The following HCN1 variants were observed in gnomAD, a reference collection of about 807,000 sequenced individuals.
The protein encoded by HCN1 is hyperpolarization activated cyclic nucleotide gated potassium channel 1, also known as potassium/sodium hyperpolarization-activated cyclic nucleotide-gated channel 1.
Under a neutral mutation model 78.9 loss-of-function variants are expected in HCN1, and 13 were observed. The ratio of observed to expected loss-of-function variants is 0.16; its 90% confidence interval spans 0.11 to 0.26. The LOEUF (loss-of-function observed/expected upper bound fraction) is 0.26. HCN1 is among the 10% of genes least tolerant of loss of function. HCN1 has a pLI of 1.00. For missense variants in HCN1, 810 were observed against 1,154.3 expected (o/e 0.70, Z 4.32); for synonymous variants, 552 against 455.5 (o/e 1.21, Z -2.70).
Position 45,587,075 on chromosome 5 carries a change from C to A in HCN1, c.849+58110G>T, listed in dbSNP as rs181982906. The stretch of plus-strand genomic sequence containing the variant: ...CAGGTGCTGGAGAGGATGTGGAGAA[C>A]AAGGAACACTTTTACACTGTTGGTG... On this transcript the variant is annotated intron_variant, in intron 2 of 7. Transcript: ENST00000303230. Among the ~76,000 whole-genome samples, 27 of 152,184 alleles carry A rather than the reference C, an allele frequency of 1.8e-4. No individual in the cohort carries two copies. In the East Asian group the frequency reaches 4.5e-3, roughly 25 times the overall value.
intron 6 of HCN1, among the ~76,000 whole-genome samples, chr5:45,297,688 C>T (rs1448185240): frequency 1.3e-5 from 2 of 152,000 alleles, no homozygotes; most frequent in Non-Finnish European, 2.9e-5. Context: ...TAATATATCT[C>T]ATAAAGATAG....
At chr5:45,424,553 G>A (rs1157085797) in intron 3 of HCN1, among the ~76,000 whole-genome samples, 6 of 151,994 alleles carry the variant, frequency 3.9e-5, no homozygotes, top group Admixed American at 2.6e-4. Flanking sequence ...TCCAAAATCT[G>A]GGGAAACAGT....
intron 2 of HCN1, among the ~76,000 whole-genome samples, chr5:45,500,579 T>A (rs1348764163): frequency 6.6e-6 from 1 of 152,200 alleles, no homozygotes; most frequent in African/African-American, 2.4e-5. Flanking sequence ...CAACTTGTTA[T>A]TTTACAATAT....
At chr5:45,293,101 G>C (rs1745412519) in intron 6 of HCN1, among the ~76,000 whole-genome samples, 1 of 151,884 alleles carries the variant, frequency 6.6e-6, no homozygotes, top group African/African-American at 2.4e-5. Context: ...ACATTCCTTT[G>C]AGTATATACC....
At chr5:45,375,871 T>TATGATATA (rs1561131911) in intron 4 of HCN1, among the ~76,000 whole-genome samples, 2 of 121,164 alleles carry the variant, frequency 1.7e-5, no homozygotes, top group African/African-American at 3.3e-5. Context: ...ATATCTTATA[T>TATGATATA]ATATTTTATC....
At chr5:45,540,445 C>T (rs776172056) in intron 2 of HCN1, among the ~76,000 whole-genome samples, 3 of 151,798 alleles carry the variant, frequency 2.0e-5, no homozygotes, top group Non-Finnish European at 4.4e-5. Context: ...TCTCCCAGCT[C>T]AGCCTCCCAA....
At chr5:45,656,971 A>G (rs1745773627) in intron 1 of HCN1, among the ~76,000 whole-genome samples, 2 of 152,130 alleles carry the variant, frequency 1.3e-5, no homozygotes, top group Middle Eastern at 3.4e-3. Flanking sequence ...GTTATTTGAT[A>G]TTATACTGCA....
At chr5:45,290,018 T>C (rs180832132) in intron 6 of HCN1, among the ~76,000 whole-genome samples, 2 of 152,124 alleles carry the variant, frequency 1.3e-5, no homozygotes, top group Admixed American at 1.3e-4. Flanking sequence ...AATTCCCATG[T>C]CCTGTGGGAG....
At chr5:45,609,625 C>A (rs1323830968) in intron 2 of HCN1, among the ~76,000 whole-genome samples, 9 of 152,070 alleles carry the variant, frequency 5.9e-5, no homozygotes, top group Non-Finnish European at 5.9e-5. Context: ...TCTACCTTGA[C>A]TGGTGTGAAT....
chr5:45,348,392 G>A (rs1163718114), intron 5 of HCN1, among the ~76,000 whole-genome samples: 1 of 152,238 alleles, frequency 6.6e-6, no homozygotes, highest in Admixed American at 6.5e-5. Context: ...GGAACGACCG[G>A]TACCAGCCAC....
rs183715827 is a variant in HCN1, at chr5:45,603,353, T to A, written c.849+41832A>T. 4.3e-3 allele frequency among the ~76,000 whole-genome samples: 658 copies of A among 152,144 alleles called. 6 individuals carry two copies. The highest frequency in any genetic ancestry group is 7.5e-3 in the Non-Finnish European group (511 of 67,968). ...AGTATGTTTCCATCACTTCTCTGAA[T>A]AAATCACATTAAAAAGTCATAAAAT... On this transcript the variant is annotated intron_variant, in intron 2 of 7. Transcript: ENST00000303230.
intron 2 of HCN1, among the ~76,000 whole-genome samples, chr5:45,589,257 G>C (rs1744306689): frequency 6.6e-6 from 1 of 152,172 alleles, no homozygotes; most frequent in African/African-American, 2.4e-5. Flanking sequence ...CAGTAAAAGA[G>C]AATATGATTA....
At chr5:45,277,085 GA>G (rs1468256490) in intron 6 of HCN1, among the ~76,000 whole-genome samples, 5 of 152,034 alleles carry the variant, frequency 3.3e-5, no homozygotes, top group African/African-American at 1.2e-4. Flanking sequence ...GGCTCTTCAG[GA>G]AAAACTTCGT....
At chr5:45,665,635 G>T (rs1746028224) in intron 1 of HCN1, among the ~76,000 whole-genome samples, 2 of 151,968 alleles carry the variant, frequency 1.3e-5, no homozygotes. Flanking sequence ...CTCAAGAATG[G>T]ATCTTATAAA....
At position 45,267,210 on chromosome 5, in the gene HCN1, T is replaced by A. The variant is rs1472804069; in HGVS notation, c.1662A>T (p.Arg554=). The A allele has an allele frequency of 3.7e-6, 6 of 1,614,002 alleles. No individual in the cohort carries two copies. The highest frequency in any genetic ancestry group is 5.1e-6 in the Non-Finnish European group (6 of 1,179,968). The change falls in exon 7 of 8, where the codon CGA becomes CGT. Residue 554 remains arginine, a synonymous_variant. Transcript: ENST00000303230. Reference sequence around the variant, plus strand: ...AGTAAAGACGACAATATGTATCAGCTCGAACACTGGCAGTACGACGTCCTT... The same window carrying A: ...AGTAAAGACGACAATATGTATCAGCACGAACACTGGCAGTACGACGTCCTT... ...LTKGRRTASV[R]ADTYCRLYSL...
chr5:45,409,219 TGAAA>T (rs2112054045), intron 3 of HCN1, among the ~76,000 whole-genome samples: 1 of 152,198 alleles, frequency 6.6e-6, no homozygotes, highest in South Asian at 2.1e-4. Flanking sequence ...GTTTTCCAAC[TGAAA>T]GAGTTTTGTA....
At chr5:45,275,077 C>T (rs1745029490) in intron 6 of HCN1, among the ~76,000 whole-genome samples, 1 of 151,938 alleles carries the variant, frequency 6.6e-6, no homozygotes, top group African/African-American at 2.4e-5. Context: ...GAAACCCTGT[C>T]TCTACTAAAA....
chr5:45,471,554 G>C (rs967986678), intron 2 of HCN1, among the ~76,000 whole-genome samples: 1 of 151,792 alleles, frequency 6.6e-6, no homozygotes, highest in African/African-American at 2.4e-5. Flanking sequence ...TTGTTTTATA[G>C]ATGTATTCCT....
At chr5:45,664,912 C>G (rs1746004345) in intron 1 of HCN1, among the ~76,000 whole-genome samples, 1 of 151,876 alleles carries the variant, frequency 6.6e-6, no homozygotes, top group African/African-American at 2.4e-5. Flanking sequence ...GCATCTAGAA[C>G]TAGAAATACC....
Sources: gnomAD v4.1 joint callset for allele counts (sites outside exome capture counted in the v4.1 genomes callset) on GRCh38, gnomAD v4.1.1 for gene constraint, MANE v1.5 for transcripts, NCBI Gene and HGNC (gene_info 2026-07-23, HGNC 2026-07-21) for gene names.